SLC9A9: variants seen among roughly 807,000 people sequenced by gnomAD.
SLC9A9 encodes solute carrier family 9 member A9.
SLC9A9 carries 62 observed loss-of-function variants against 77.8 expected under a neutral mutation model. The ratio of observed to expected loss-of-function variants is 0.80; its 90% confidence interval spans 0.65 to 0.98. The LOEUF (loss-of-function observed/expected upper bound fraction) is 0.98, where lower values mean the gene tolerates loss of function less well. SLC9A9 is among the 50% of genes least tolerant of loss of function. The probability of loss-of-function intolerance (pLI) is 0.00; values close to 1 mark genes in which losing one functional copy is unlikely to be tolerated. For synonymous variants in SLC9A9, 320 were observed against 283.5 expected, an observed-to-expected ratio of 1.13 and a Z score of -1.29; for missense variants, 775 against 774.9, an observed-to-expected ratio of 1.00 and a Z score of 0.00.
chr3:143,802,374 G>A (rs2008587193), intron 2 of SLC9A9, among the ~76,000 whole-genome samples: 1 of 152,024 alleles, frequency 6.6e-6, no homozygotes, highest in Non-Finnish European at 1.5e-5. Context: ...TACCCCTCAG[G>A]GATTGTTCAG....
At chr3:143,344,043 GATTC>G (rs1413290095) in intron 14 of SLC9A9, among the ~76,000 whole-genome samples, 11 of 152,146 alleles carry the variant, frequency 7.2e-5, no homozygotes, top group Admixed American at 2.6e-4. Flanking sequence ...ATGTAAATTA[GATTC>G]ATTAAGTGGA....
At chr3:143,496,311 CTTTAT>C (rs2035832813) in intron 9 of SLC9A9, among the ~76,000 whole-genome samples, 2 of 152,174 alleles carry the variant, frequency 1.3e-5, no homozygotes, top group African/African-American at 4.8e-5. Context: ...ATTTGGAAGA[CTTTAT>C]TTTATGTTCC....
At chr3:143,371,556 G>T (rs546114655) in intron 13 of SLC9A9, among the ~76,000 whole-genome samples, 4 of 152,246 alleles carry the variant, frequency 2.6e-5, no homozygotes, top group Admixed American at 1.3e-4. Context: ...GTAACCTATA[G>T]AAACAGAACT....
intron 5 of SLC9A9, among the ~76,000 whole-genome samples, chr3:143,658,114 G>A (rs932452642): frequency 5.3e-5 from 8 of 152,090 alleles, no homozygotes; most frequent in Non-Finnish European, 7.4e-5. Context: ...GGATCTGCCC[G>A]CCTTGGCCTC....
intron 4 of SLC9A9, among the ~76,000 whole-genome samples, chr3:143,700,271 G>A (rs1933758431): frequency 6.6e-6 from 1 of 152,112 alleles, no homozygotes; most frequent in Non-Finnish European, 1.5e-5. Context: ...AGCCTGTGGT[G>A]GCTATGGGAA....
intron 6 of SLC9A9, among the ~76,000 whole-genome samples, chr3:143,611,801 A>G (rs1479080606): frequency 6.6e-6 from 1 of 152,158 alleles, no homozygotes. Flanking sequence ...TGATCCGATC[A>G]TGGCTCACTC....
At chr3:143,281,923 C>T (rs1456231869) in intron 14 of SLC9A9, among the ~76,000 whole-genome samples, 1 of 152,220 alleles carries the variant, frequency 6.6e-6, no homozygotes, top group Non-Finnish European at 1.5e-5. Flanking sequence ...CACACCGTTT[C>T]ACAAACTTTA....
At chr3:143,368,977 AG>A (rs2108488469) in intron 13 of SLC9A9, among the ~76,000 whole-genome samples, 1 of 152,350 alleles carries the variant, frequency 6.6e-6, no homozygotes, top group South Asian at 2.1e-4. Context: ...CCCAATGCCC[AG>A]TTAAATTCAT....
intron 9 of SLC9A9, among the ~76,000 whole-genome samples, chr3:143,538,034 C>T (rs948329718): frequency 2.6e-5 from 4 of 152,146 alleles, no homozygotes; most frequent in African/African-American, 9.7e-5. Flanking sequence ...GTTGCCTAGG[C>T]CTTAGGTCCA....
At chr3:143,544,663 T>G (rs2036754467) in intron 9 of SLC9A9, among the ~76,000 whole-genome samples, 1 of 152,226 alleles carries the variant, frequency 6.6e-6, no homozygotes, top group South Asian at 2.1e-4. Flanking sequence ...CAGAAGCTCT[T>G]CGGCTTAATT....
intron 14 of SLC9A9, among the ~76,000 whole-genome samples, chr3:143,298,322 C>G (rs535289815): frequency 6.6e-6 from 1 of 152,306 alleles, no homozygotes; most frequent in South Asian, 2.1e-4. Flanking sequence ...GAACCTCAAC[C>G]AGGTGTCCAT....
chr3:143,614,829 G>A (rs79166151), intron 6 of SLC9A9, among the ~76,000 whole-genome samples: 4,995 of 152,278 alleles, frequency 0.033, 282 homozygotes, highest in African/African-American at 0.11. Flanking sequence ...AGATAGCCAT[G>A]AGCCCAGAAA....
chr3:143,801,388 C>T lies in SLC9A9; in HGVS notation c.379-4485G>A, dbSNP rs151101025. ...TGCTCAACTCACTGTCTACAGCTCTCGTAACTTCCAAAATCTATTTTCTTC... is the reference window on the plus strand; with the variant it reads ...TGCTCAACTCACTGTCTACAGCTCTTGTAACTTCCAAAATCTATTTTCTTC... On this transcript the variant is annotated intron_variant, in intron 2 of 15. Transcript: ENST00000316549. Among the ~76,000 whole-genome samples, 716 of 152,296 alleles carry T rather than the reference C, an allele frequency of 4.7e-3. 5 individuals are homozygous for T. The highest frequency in any genetic ancestry group is 0.017 in the Middle Eastern group (5 of 294).
At chr3:143,301,241 C>T (rs563196159) in intron 14 of SLC9A9, among the ~76,000 whole-genome samples, 5 of 152,306 alleles carry the variant, frequency 3.3e-5, no homozygotes, top group East Asian at 1.9e-4. Context: ...TTGACATTTG[C>T]GCAAAATGCA....
At chr3:143,311,544 T>C (rs1379065025) in intron 14 of SLC9A9, among the ~76,000 whole-genome samples, 1 of 152,242 alleles carries the variant, frequency 6.6e-6, no homozygotes. Context: ...TGGGTGCTTC[T>C]ACTCTAAGTA....
chr3:143,558,502 A>G (rs1055638486), intron 8 of SLC9A9, among the ~76,000 whole-genome samples: 3 of 152,178 alleles, frequency 2.0e-5, no homozygotes, highest in African/African-American at 7.2e-5. Context: ...AGGCTGTGGG[A>G]GCCCAAGTCT....
chr3:143,660,143 C>G (rs2038957549), intron 5 of SLC9A9, among the ~76,000 whole-genome samples: 1 of 152,166 alleles, frequency 6.6e-6, no homozygotes, highest in South Asian at 2.1e-4. Context: ...CAGACTAATA[C>G]AGTTATGGAT....
chr3:143,687,077 T>A (rs1933296327), intron 5 of SLC9A9, among the ~76,000 whole-genome samples: 1 of 152,048 alleles, frequency 6.6e-6, no homozygotes, highest in Non-Finnish European at 1.5e-5. Flanking sequence ...AAGATCTTCA[T>A]CAGTAAGGAA....
At chr3:143,517,996 T>C (rs1171440970) in intron 9 of SLC9A9, 1 of 1,424,922 alleles carries the variant, frequency 7.0e-7, no homozygotes, top group African/African-American at 1.4e-5. Context: ...CTAGATCACT[T>C]TCTTCACTTG....
Sources: allele counts gnomAD v4.1 joint callset (sites outside exome capture counted in the v4.1 genomes callset), GRCh38; gene constraint gnomAD v4.1.1; transcripts MANE v1.5; gene names NCBI Gene and HGNC (gene_info 2026-07-23, HGNC 2026-07-21).